PRIM2: variants seen among roughly 807,000 people sequenced by gnomAD.
PRIM2 encodes the protein DNA primase subunit 2.
Under a neutral mutation model 67.3 loss-of-function variants are expected in PRIM2, and 39 were observed. The observed-to-expected ratio is 0.58, with a 90% CI of 0.45 to 0.76. The LOEUF (loss-of-function observed/expected upper bound fraction) is 0.76. PRIM2 is among the 30% of genes least tolerant of loss of function. The probability of loss-of-function intolerance (pLI) is 0.00; values close to 1 mark genes in which losing one functional copy is unlikely to be tolerated. For missense variants in PRIM2, 398 were observed against 598.7 expected (o/e 0.66, Z 3.50); for synonymous variants, 143 against 198.7 (o/e 0.72, Z 2.36).
intron 8 of PRIM2, among the ~76,000 whole-genome samples, chr6:57,515,705 G>A (rs1774473489): frequency 2.6e-5 from 4 of 152,130 alleles, no homozygotes; most frequent in Admixed American, 1.3e-4. Flanking sequence ...GATGACACTA[G>A]CATTTTTATA....
At chr6:57,449,011 G>A (rs1400756399) in intron 7 of PRIM2, among the ~76,000 whole-genome samples, 2 of 152,142 alleles carry the variant, frequency 1.3e-5, no homozygotes, top group African/African-American at 4.8e-5. Flanking sequence ...GGTCCTCTTG[G>A]CCAAGGGGGA....
the PRIM2 span, among the ~76,000 whole-genome samples, chr6:57,270,055 C>T: frequency 2.6e-5 from 4 of 152,052 alleles, no homozygotes; most frequent in Admixed American, 2.0e-4. Context: ...AGTTTGAAGT[C>T]AGGTAGCATG....
intron 8 of PRIM2, among the ~76,000 whole-genome samples, chr6:57,507,797 TTAGA>T (rs1214162291): frequency 6.6e-6 from 1 of 151,994 alleles, no homozygotes. Flanking sequence ...GATAGATGAG[TTAGA>T]TGGAGTTTGT....
At chr6:57,330,726 G>A (rs188532932) in intron 5 of PRIM2, among the ~76,000 whole-genome samples, 1 of 152,182 alleles carries the variant, frequency 6.6e-6, no homozygotes, top group Non-Finnish European at 1.5e-5. Context: ...TCACTATGTT[G>A]CATGGTTTTA....
rs1225218756 is a variant in PRIM2 at position 57,626,681 on chromosome 6, G to A, written c.1231-5452G>A. ...ATTCTGTCACCCAGGCTGGAGTGCA[G>A]TGGCATGGTCAGGACTCACTGCAGC... On this transcript the variant is annotated intron_variant, in intron 12 of 13. Transcript: ENST00000615550. Among the ~76,000 whole-genome samples, 5 of 150,410 alleles carry A rather than the reference G, an allele frequency of 3.3e-5. No homozygotes were observed. The South Asian group carries it at 1.0e-3, about 32-fold the overall frequency.
chr6:57,302,575 A>G, the PRIM2 span, among the ~76,000 whole-genome samples: 1 of 152,202 alleles, frequency 6.6e-6, no homozygotes, highest in African/African-American at 2.4e-5. Flanking sequence ...CAAAGGCATA[A>G]CTACTAAAGC....
At chr6:57,486,259 T>G (rs1370142937) in intron 7 of PRIM2, among the ~76,000 whole-genome samples, 6 of 152,204 alleles carry the variant, frequency 3.9e-5, no homozygotes, top group Admixed American at 3.3e-4. Context: ...AAGGAGTCAT[T>G]TAACCCATTT....
At chr6:57,462,415 G>A (rs1773038758) in intron 7 of PRIM2, among the ~76,000 whole-genome samples, 1 of 152,214 alleles carries the variant, frequency 6.6e-6, no homozygotes, top group Non-Finnish European at 1.5e-5. Context: ...TTGTGTACTA[G>A]TGTTTTATCC....
intron 12 of PRIM2, among the ~76,000 whole-genome samples, chr6:57,613,359 G>GT (rs1299787678): frequency 3.9e-5 from 6 of 152,226 alleles, no homozygotes; most frequent in South Asian, 2.1e-4. Context: ...ATGTACTTCA[G>GT]TTTTTTTCCT....
the PRIM2 span, among the ~76,000 whole-genome samples, chr6:57,274,761 G>A: frequency 6.6e-6 from 1 of 152,098 alleles, no homozygotes; most frequent in Non-Finnish European, 1.5e-5. Flanking sequence ...TTCCTATTCA[G>A]CCGTCTTGGC....
chr6:57,579,501 A>G (rs1340274954), intron 10 of PRIM2, among the ~76,000 whole-genome samples: 5 of 152,160 alleles, frequency 3.3e-5, no homozygotes, highest in Non-Finnish European at 5.9e-5. Context: ...GATAACATGT[A>G]ATCTAATAAG....
chr6:57,531,607 G>A (rs1392890070), intron 8 of PRIM2, among the ~76,000 whole-genome samples: 3 of 152,150 alleles, frequency 2.0e-5, no homozygotes, highest in Non-Finnish European at 4.4e-5. Flanking sequence ...TATATACCAA[G>A]TTATGTTTCC....
chr6:57,442,138 A>C (rs530561137), intron 7 of PRIM2, among the ~76,000 whole-genome samples: 3 of 152,218 alleles, frequency 2.0e-5, no homozygotes, highest in African/African-American at 7.2e-5. Flanking sequence ...TATTATTTCT[A>C]TAATAAACAA....
intron 7 of PRIM2, among the ~76,000 whole-genome samples, chr6:57,496,711 T>C: frequency 6.6e-6 from 1 of 152,306 alleles, no homozygotes; most frequent in Middle Eastern, 3.4e-3. Flanking sequence ...AAATGATGAA[T>C]GAAAATACAA....
chr6:57,583,610 A>G (rs1383590159), intron 10 of PRIM2, among the ~76,000 whole-genome samples: 4 of 151,246 alleles, frequency 2.6e-5, no homozygotes, highest in African/African-American at 9.7e-5. Flanking sequence ...AGTCTTTGCT[A>G]TTGTGAATAA....
At chr6:57,534,328 C>G (rs1479678127) in intron 9 of PRIM2, among the ~76,000 whole-genome samples, 6 of 152,088 alleles carry the variant, frequency 3.9e-5, no homozygotes, top group Non-Finnish European at 8.8e-5. Flanking sequence ...CACCTGTATT[C>G]GTTGATGATT....
intron 5 of PRIM2, among the ~76,000 whole-genome samples, chr6:57,330,115 A>G (rs1021043343): frequency 2.0e-5 from 3 of 152,178 alleles, no homozygotes; most frequent in African/African-American, 7.2e-5. Context: ...TTGTAATGAT[A>G]TTAAGTCTTC....
intron 7 of PRIM2, chr6:57,382,428 G>C (rs371691623): frequency 3.3e-6 from 1 of 299,240 alleles, no homozygotes; most frequent in Non-Finnish European, 6.1e-6. Flanking sequence ...AACCTCTGTG[G>C]GTTTCTTCAT....
At chr6:57,558,192 C>T (rs1482166694) in intron 10 of PRIM2, among the ~76,000 whole-genome samples, 1 of 152,122 alleles carries the variant, frequency 6.6e-6, no homozygotes, top group African/African-American at 2.4e-5. Context: ...ATGATAATAA[C>T]CCTTAGTATT....
Sources: gnomAD v4.1 joint callset for allele counts (sites outside exome capture counted in the v4.1 genomes callset) on GRCh38, gnomAD v4.1.1 for gene constraint, MANE v1.5 for transcripts, NCBI Gene and HGNC (gene_info 2026-07-23, HGNC 2026-07-21) for gene names.